Variants in BMAL2 observed in about 807,000 individuals in gnomAD.
The protein encoded by BMAL2 is basic helix-loop-helix ARNT like 2.
the BMAL2 span, among the ~76,000 whole-genome samples, chr12:27,418,872 G>A: frequency 5.9e-5 from 9 of 151,740 alleles, no homozygotes; most frequent in African/African-American, 2.2e-4. Flanking sequence ...CCAGCTACTC[G>A]GGAGGCTGAG....
At chr12:27,418,606 A>G in the BMAL2 span, among the ~76,000 whole-genome samples, 2 of 146,106 alleles carry the variant, frequency 1.4e-5, no homozygotes, top group African/African-American at 5.5e-5. Flanking sequence ...CCTTGTCTGA[A>G]AAAAAAAAGT....
chr12:27,378,946 G>T, the BMAL2 span, among the ~76,000 whole-genome samples: 2 of 152,194 alleles, frequency 1.3e-5, no homozygotes, highest in African/African-American at 4.8e-5. Context: ...GTATCCAATC[G>T]TTTGGTTTCC....
chr12:27,358,226 G>A, the BMAL2 span, among the ~76,000 whole-genome samples: 1 of 152,044 alleles, frequency 6.6e-6, no homozygotes, highest in East Asian at 1.9e-4. Context: ...CAAAAAGTGG[G>A]CTAAGGACAT....
At chr12:27,369,999 T>A in the BMAL2 span, 1 of 663,532 alleles carries the variant, frequency 1.5e-6, no homozygotes. Context: ...TGGTATTTTC[T>A]CCACTTCACC....
At chr12:27,401,665 C>G in the BMAL2 span, 1 of 1,580,756 alleles carries the variant, frequency 6.3e-7, no homozygotes, top group Non-Finnish European at 8.6e-7. Context: ...TCTGTCAACA[C>G]TTTAGTTTTG....
chr12:27,374,699 G>T, the BMAL2 span, among the ~76,000 whole-genome samples: 1 of 152,206 alleles, frequency 6.6e-6, no homozygotes, highest in African/African-American at 2.4e-5. Flanking sequence ...CACACAACAG[G>T]CTGACGGTGG....
the BMAL2 span, among the ~76,000 whole-genome samples, chr12:27,360,999 A>G: frequency 6.6e-6 from 1 of 152,140 alleles, no homozygotes; most frequent in African/African-American, 2.4e-5. Context: ...AATTTACACA[A>G]ATTTTAAGAT....
the BMAL2 span, among the ~76,000 whole-genome samples, chr12:27,383,349 ATTTT>A: frequency 6.6e-5 from 10 of 151,508 alleles, no homozygotes; most frequent in African/African-American, 2.4e-4. Flanking sequence ...TGTCATTTTG[ATTTT>A]TTTTTAACCC....
the BMAL2 span, among the ~76,000 whole-genome samples, chr12:27,397,629 A>C: frequency 2.0e-5 from 3 of 152,220 alleles, no homozygotes; most frequent in South Asian, 2.1e-4. Flanking sequence ...AAGATTTTTT[A>C]AAAATAACAT....
chr12:27,383,712 T>C, the BMAL2 span, among the ~76,000 whole-genome samples: 1 of 152,224 alleles, frequency 6.6e-6, no homozygotes, highest in African/African-American at 2.4e-5. Flanking sequence ...ACTCAGAGTC[T>C]GCGTTCTTCA....
the BMAL2 span, among the ~76,000 whole-genome samples, chr12:27,348,092 A>G: frequency 6.6e-6 from 1 of 152,034 alleles, no homozygotes; most frequent in African/African-American, 2.4e-5. Context: ...CAGACTATTT[A>G]CCCCAATCCA....
At chr12:27,424,903 A>C in the BMAL2 span, 1 of 152,186 alleles carries the variant, frequency 6.6e-6, no homozygotes, top group African/African-American at 2.4e-5. Context: ...TTGTGCCTAC[A>C]ATAAGTCAGC....
At chr12:27,392,126 G>A in the BMAL2 span, among the ~76,000 whole-genome samples, 1 of 152,110 alleles carries the variant, frequency 6.6e-6, no homozygotes, top group Non-Finnish European at 1.5e-5. Context: ...TAGAGCCAAA[G>A]GGTTTAGATT....
chr12:27,422,815 G>A, the BMAL2 span: 1 of 152,350 alleles, frequency 6.6e-6, no homozygotes, highest in Admixed American at 6.5e-5. Flanking sequence ...CTAAGCCAGG[G>A]GTGGCAGGGT....
the BMAL2 span, among the ~76,000 whole-genome samples, chr12:27,388,844 C>CT: frequency 3.3e-5 from 5 of 152,044 alleles, no homozygotes; most frequent in African/African-American, 9.6e-5. Context: ...GATGTAATCT[C>CT]TTTTTTTTAA....
At chr12:27,423,501 T>C in the BMAL2 span, 1 of 152,184 alleles carries the variant, frequency 6.6e-6, no homozygotes, top group African/African-American at 2.4e-5. Context: ...TAATTTTGCT[T>C]TGTATTTTCA....
the BMAL2 span, among the ~76,000 whole-genome samples, chr12:27,385,782 CA>C: frequency 6.6e-6 from 1 of 152,136 alleles, no homozygotes; most frequent in Non-Finnish European, 1.5e-5. Context: ...CACTATGGAG[CA>C]AAGCTTGTAT....
the BMAL2 span, among the ~76,000 whole-genome samples, chr12:27,347,668 T>C: frequency 1.3e-5 from 2 of 152,168 alleles, no homozygotes; most frequent in African/African-American, 4.8e-5. Context: ...GGAAAACTGG[T>C]TTGAATATAT....
the BMAL2 span, among the ~76,000 whole-genome samples, chr12:27,362,067 T>C: frequency 2.6e-5 from 4 of 152,058 alleles, no homozygotes; most frequent in East Asian, 3.8e-4. Flanking sequence ...TCTGAACTTA[T>C]GTGAGGGAAA....
Sources: gnomAD v4.1 joint callset for allele counts (sites outside exome capture counted in the v4.1 genomes callset) on GRCh38, gnomAD v4.1.1 for gene constraint, MANE v1.5 for transcripts, NCBI Gene and HGNC (gene_info 2026-07-23, HGNC 2026-07-21) for gene names.